Variants in CCNB3 observed in about 807,000 individuals in gnomAD.
CCNB3 encodes G2/mitotic-specific cyclin-B3.
A neutral mutation model predicts 68.0 loss-of-function variants in CCNB3; 12 were observed. That is an observed-to-expected ratio of 0.18 (90% CI 0.11 to 0.29). The LOEUF (loss-of-function observed/expected upper bound fraction) is 0.29. Ranked by LOEUF, CCNB3 falls within the 10% of genes least tolerant of loss-of-function variation. The pLI, the probability that CCNB3 is intolerant of heterozygous loss-of-function variation, is 1.00. For synonymous variants in CCNB3, 354 were observed against 388.9 expected (o/e 0.91, Z 1.06); for missense variants, 904 against 993.1 (o/e 0.91, Z 1.21).
chrX:50,209,969 A>C (rs2146974583), intron 1 of CCNB3, among the ~76,000 whole-genome samples: 1 of 111,598 alleles, frequency 9.0e-6, no homozygotes, highest in East Asian at 2.8e-4. Context: ...ACATTTGCCA[A>C]ACAGAAATTT....
chrX:50,299,261 C>T lies in CCNB3; in HGVS notation c.335+4268C>T, dbSNP rs181447231. Among the ~76,000 whole-genome samples the T allele has an allele frequency of 6.3e-4, 70 of 110,800 alleles. No individual in the cohort carries two copies. In the East Asian group the frequency reaches 0.01, roughly 16 times the overall value. Reference sequence around the variant, plus strand: ...TTTAGATCTTTCCTGCTTTCTCTTGCGGGCATTTAGTGCTATAAATTTCCC... The same window carrying T: ...TTTAGATCTTTCCTGCTTTCTCTTGTGGGCATTTAGTGCTATAAATTTCCC... On this transcript the variant is annotated intron_variant, in intron 5 of 12. Coordinates refer to ENST00000376042, the MANE Select transcript of CCNB3 (RefSeq NM_033031.3).
Position 50,347,663 on chromosome X carries a change from G to A in CCNB3, c.3848G>A (p.Arg1283His), listed in dbSNP as rs149821020. The A allele has an allele frequency of 6.8e-5, 82 of 1,207,645 alleles. No homozygotes were observed. Among genetic ancestry groups the A allele is most frequent in the Non-Finnish European group, 8.3e-5 (74 of 894,494 alleles). The change falls in exon 11 of 13, where the codon CGC (arginine) becomes CAC (histidine). Residue 1283 changes from arginine to histidine, a missense_variant. Arg to His is a conservative substitution (Grantham distance 29). This residue lies in a region of CCNB3 where 285 missense variants were observed against 383.4 expected (regional missense o/e 0.74). Transcript: ENST00000376042. ...HTNMKTLTLS[R>H]YICEMTLQEY... ...AACATGAAGACACTGACCTTGTCCC[G>A]CTACATCTGCGAGATGACCCTGCAG...
At chrX:50,347,429 T>TGACTGTTTCAGAATCCCCCC in intron 10 of CCNB3, among the ~76,000 whole-genome samples, 197 bp from the exon 11 acceptor site, 1 of 109,765 alleles carries the variant, frequency 9.1e-6, no homozygotes, top group African/African-American at 3.3e-5. Flanking sequence ...CAAATCCCAC[T>TGACTGTTTCAGAATCCCCCC]GACTGTTTCA....
chrX:50,349,604 C>T (rs923625878), intron 11 of CCNB3, among the ~76,000 whole-genome samples: 1 of 112,156 alleles, frequency 8.9e-6, no homozygotes, highest in Admixed American at 9.4e-5. Flanking sequence ...GCCTTTTAGT[C>T]TTATTTAACA....
intron 8 of CCNB3, among the ~76,000 whole-genome samples, chrX:50,333,653 A>G (rs2147090603): frequency 9.0e-6 from 1 of 111,146 alleles, no homozygotes; most frequent in East Asian, 2.9e-4. Flanking sequence ...AGTCTGATCC[A>G]TCCTCCTTTT....
At chrX:50,218,525 T>C (rs1485550278) in intron 1 of CCNB3, among the ~76,000 whole-genome samples, 1 of 111,537 alleles carries the variant, frequency 9.0e-6, no homozygotes, top group African/African-American at 3.3e-5. Flanking sequence ...AGTGAGAACA[T>C]GTGGTGTTTG....
At chrX:50,281,932 G>A (rs1936144513) in intron 1 of CCNB3, among the ~76,000 whole-genome samples, 1 of 110,750 alleles carries the variant, frequency 9.0e-6, no homozygotes, top group African/African-American at 3.3e-5. Flanking sequence ...GTTCCCACCG[G>A]CAACCACCTT....
In CCNB3 at chrX:50,346,798, A is replaced by C; in HGVS notation, c.3801A>C (p.Arg1267Ser). 1 of 1,210,266 alleles carries C rather than the reference A, an allele frequency of 8.3e-7. No individual in the cohort carries two copies. ...CCATCGCCTACCATTTTCTGCGCAG[A>C]TATGCTAGGGTAAGAGAGAAGAGAC... The part of the protein sequence containing the change: ...NIPIAYHFLR[R>S]YARCIHTNMK... Residue 1267 changes from arginine to serine, a missense_variant, in exon 10 of 13, where the codon AGA becomes AGC. Physicochemically the swap from Arg to Ser is moderately radical, Grantham distance 110. This residue lies in a region of CCNB3 where 285 missense variants were observed against 383.4 expected (regional missense o/e 0.74). Transcript: ENST00000376042.
At position 50,285,376 on chromosome X, in the gene CCNB3, G is replaced by A. The variant is rs1936217239; in HGVS notation, c.96+117G>A. The stretch of plus-strand genomic sequence containing the variant: ...ATGTCTGGTTTAACCTGAGAAAGTG[G>A]GGAGGGGTGGCAGCCCTTGTATTGG... On this transcript the variant is annotated intron_variant, in intron 3 of 12. Coordinates refer to ENST00000376042, the MANE Select transcript of CCNB3 (RefSeq NM_033031.3). The A allele has an allele frequency of 5.3e-6, 3 of 562,442 alleles. No homozygotes were observed. The African/African-American group carries it at 6.6e-5, about 12-fold the overall frequency. 46.4% of individuals were successfully genotyped at this position (562,442 alleles called of 1,213,427 possible).
At chrX:50,348,841 A>G (rs1307342681) in intron 11 of CCNB3, among the ~76,000 whole-genome samples, 1 of 112,493 alleles carries the variant, frequency 8.9e-6, no homozygotes, top group Non-Finnish European at 1.9e-5. Flanking sequence ...GGGCGTGGCC[A>G]CAGCTCTGGA....
At chrX:50,344,481 G>A (rs1350453475) in intron 9 of CCNB3, among the ~76,000 whole-genome samples, 1 of 112,392 alleles carries the variant, frequency 8.9e-6, no homozygotes, top group Non-Finnish European at 1.9e-5. Context: ...GGCAATGGTG[G>A]TGTATTTGTT....
intron 1 of CCNB3, among the ~76,000 whole-genome samples, chrX:50,220,941 C>T: frequency 9.0e-6 from 1 of 111,399 alleles, no homozygotes; most frequent in East Asian, 2.8e-4. Context: ...GTTACTGCCT[C>T]AATTTCAGGA....
intron 1 of CCNB3, among the ~76,000 whole-genome samples, chrX:50,214,474 C>CTATATATATATATATATA (rs1935530522): frequency 1.0e-3 from 2 of 1,915 alleles, no homozygotes; most frequent in Non-Finnish European, 1.9e-3. Flanking sequence ...TAGCTGTGGC[C>CTATATATATATATATATA]CATATATATA....
intron 1 of CCNB3, among the ~76,000 whole-genome samples, chrX:50,225,369 G>T (rs1935736818): frequency 9.0e-6 from 1 of 111,578 alleles, no homozygotes; most frequent in Admixed American, 9.6e-5. Flanking sequence ...GCAAAATGCA[G>T]TTTATGAAGT....
At position 50,309,313 on chromosome X, in the gene CCNB3, C is replaced by T; in HGVS notation, c.1144C>T (p.Pro382Ser). 8.3e-7 allele frequency: 1 copy of T among 1,210,639 alleles called. No homozygotes were observed. Among genetic ancestry groups the T allele is most frequent in the Non-Finnish European group, 1.1e-6 (1 of 894,768 alleles). Residue 382 changes from proline (P) to serine (S), a missense_variant, in exon 6 of 13, where the codon CCA (proline) becomes TCA (serine). Coordinates refer to ENST00000376042, the MANE Select transcript of CCNB3 (RefSeq NM_033031.3). Reference protein sequence around the residue: ...KPSTEEAIMMPVILKEQCMTE... With the variant: ...KPSTEEAIMMSVILKEQCMTE... The stretch of plus-strand genomic sequence containing the variant: ...TAGCACTGAGGAGGCAATCATGATG[C>T]CAGTAATATTGAAGGAGCAGTGCAT...
chrX:50,295,419 C>T (rs1456201732), intron 5 of CCNB3, among the ~76,000 whole-genome samples: 2 of 111,371 alleles, frequency 1.8e-5, no homozygotes, highest in Non-Finnish European at 3.8e-5. Flanking sequence ...AAATTACTAT[C>T]TCCCTAGAGC....
chrX:50,279,524 G>GATATATGAATATATATTCATATATATAA (rs1256816184), intron 1 of CCNB3, among the ~76,000 whole-genome samples: 106 of 78,870 alleles, frequency 1.3e-3, no homozygotes, highest in East Asian at 5.2e-3. Flanking sequence ...TTCATATAAA[G>GATATATGAATATATATTCATATATATAA]ATATATGAAT....
In CCNB3 at chrX:50,281,066, A is replaced by T. The variant is rs1262358672; in HGVS notation, c.-112-3476A>T. Among the ~76,000 whole-genome samples, 21 of 110,080 alleles carry T rather than the reference A, an allele frequency of 1.9e-4. No individual in the cohort carries two copies. In the East Asian group the frequency reaches 5.7e-3, roughly 30 times the overall value. ...AGTAGGCCACCGCGCCTGGCCAAAAACTCGTCTTTAAAGAGACCCGATACT... is the reference window on the plus strand; with the variant it reads ...AGTAGGCCACCGCGCCTGGCCAAAATCTCGTCTTTAAAGAGACCCGATACT... On this transcript the variant is annotated intron_variant, in intron 1 of 12. Coordinates refer to ENST00000376042, the MANE Select transcript of CCNB3 (RefSeq NM_033031.3).
intron 6 of CCNB3, among the ~76,000 whole-genome samples, chrX:50,311,731 A>C (rs189075377): frequency 9.1e-6 from 1 of 110,446 alleles, no homozygotes; most frequent in East Asian, 2.9e-4. Context: ...TAGGTGATGC[A>C]GAATCATCTC....
Sources: gnomAD v4.1 joint callset for allele counts (sites outside exome capture counted in the v4.1 genomes callset) on GRCh38, gnomAD v4.1.1 for gene constraint, gnomAD v4.1.1 regional missense constraint, MANE v1.5 for transcripts, NCBI Gene and HGNC (gene_info 2026-07-23, HGNC 2026-07-21) for gene names.